The following GRB2 variants were observed in gnomAD, a reference collection of about 807,000 sequenced individuals.
GRB2 encodes growth factor receptor-bound protein 2.
Under a neutral mutation model 27.4 loss-of-function variants are expected in GRB2, and 2 were observed. The observed-to-expected ratio is 0.07, with a 90% CI of 0.03 to 0.23. The LOEUF is 0.23. Among genes scored for constraint, GRB2 ranks in the 10% least tolerant of loss-of-function variants. The probability of loss-of-function intolerance (pLI) is 1.00; values close to 1 mark genes in which losing one functional copy is unlikely to be tolerated. For missense variants in GRB2, 102 were observed against 282.4 expected, an observed-to-expected ratio of 0.36 and a Z score of 4.58; for synonymous variants, 94 against 99.6, an observed-to-expected ratio of 0.94 and a Z score of 0.33.
intron 2 of GRB2, among the ~76,000 whole-genome samples, chr17:75,363,919 T>C (rs2078803152): frequency 6.6e-6 from 1 of 150,996 alleles, no homozygotes; most frequent in Non-Finnish European, 1.5e-5. Context: ...CCTCAAGGTT[T>C]GCTTTTTGAT....
intron 2 of GRB2, among the ~76,000 whole-genome samples, chr17:75,338,200 G>T (rs2078594551): frequency 6.6e-6 from 1 of 152,024 alleles, no homozygotes; most frequent in Non-Finnish European, 1.5e-5. Flanking sequence ...GAGTAGCTAG[G>T]ATTACAGGCG....
At chr17:75,324,446 G>A (rs1376658871) in intron 4 of GRB2, among the ~76,000 whole-genome samples, 1 of 143,914 alleles carries the variant, frequency 6.9e-6, no homozygotes, top group Non-Finnish European at 1.5e-5. Context: ...CTGACCTCAG[G>A]TGATCTGCCT....
chr17:75,384,931 C>T (rs1252680473), intron 2 of GRB2, among the ~76,000 whole-genome samples: 1 of 145,822 alleles, frequency 6.9e-6, no homozygotes, highest in Non-Finnish European at 1.5e-5. Flanking sequence ...GGCGCGGTAG[C>T]TCATGTCGGT....
intron 4 of GRB2, among the ~76,000 whole-genome samples, chr17:75,324,366 ATTTT>A (rs1156329058): frequency 4.0e-4 from 37 of 93,606 alleles, no homozygotes; most frequent in African/African-American, 1.3e-3. Context: ...CCATTTTTGT[ATTTT>A]TTTTTTTTTT....
chr17:75,344,477 C>A (rs2078642010), intron 2 of GRB2: 1 of 151,022 alleles, frequency 6.6e-6, no homozygotes, highest in African/African-American at 2.5e-5. Context: ...ACTGCAACCT[C>A]CACCTCCCGG....
chr17:75,393,505 G>T, intron 2 of GRB2, 46 bp downstream of exon 2: 2 of 1,451,236 alleles, frequency 1.4e-6, no homozygotes, highest in Non-Finnish European at 1.9e-6. Context: ...AGGTGGGTGA[G>T]CACAGGGAGA....
intron 2 of GRB2, among the ~76,000 whole-genome samples, chr17:75,373,939 G>A (rs933838908): frequency 6.7e-6 from 1 of 149,976 alleles, no homozygotes; most frequent in Non-Finnish European, 1.5e-5. Context: ...GACTACAGGC[G>A]CCCGCCACCA....
chr17:75,384,396 T>C (rs941338164), intron 2 of GRB2, among the ~76,000 whole-genome samples: 3 of 152,156 alleles, frequency 2.0e-5, no homozygotes, highest in Non-Finnish European at 4.4e-5. Context: ...TAGCTGGGCA[T>C]GGTGGCTCAC....
chr17:75,341,079 C>G (rs1009944177), intron 2 of GRB2, among the ~76,000 whole-genome samples: 15 of 152,200 alleles, frequency 9.9e-5, no homozygotes, highest in African/African-American at 3.6e-4. Flanking sequence ...CCAGGTGATA[C>G]GTACTTGGCT....
chr17:75,335,370 C>A (rs2117561), intron 2 of GRB2, among the ~76,000 whole-genome samples: 134,441 of 152,170 alleles, frequency 0.88, 60,300 homozygotes, highest in Non-Finnish European at 0.96. Context: ...AAACTGGTAA[C>A]ATTCTTTACA....
chr17:75,396,998 T>A (rs1360876862), intron 1 of GRB2, among the ~76,000 whole-genome samples: 2 of 152,184 alleles, frequency 1.3e-5, no homozygotes, highest in African/African-American at 4.8e-5. Flanking sequence ...AAGACAGTTC[T>A]CAATACCTGC....
At chr17:75,336,499 A>G (rs184093313) in intron 2 of GRB2, among the ~76,000 whole-genome samples, 167 of 152,126 alleles carry the variant, frequency 1.1e-3, no homozygotes, top group African/African-American at 3.9e-3. Context: ...AGATAACTCT[A>G]TTTACCTGCC....
chr17:75,382,066 T>C (rs2078932467), intron 2 of GRB2, among the ~76,000 whole-genome samples: 1 of 151,752 alleles, frequency 6.6e-6, no homozygotes, highest in Non-Finnish European at 1.5e-5. Context: ...CTACTAAAAA[T>C]ATAAAAATAA....
intron 2 of GRB2, among the ~76,000 whole-genome samples, chr17:75,385,077 A>C (rs1211593758): frequency 3.5e-5 from 1 of 28,504 alleles, no homozygotes; most frequent in African/African-American, 4.2e-5. Context: ...ACAAACAAAC[A>C]AAAAAACCCT....
chr17:75,399,356 G>A (rs1047968061), intron 1 of GRB2, among the ~76,000 whole-genome samples: 2 of 140,578 alleles, frequency 1.4e-5, no homozygotes, highest in African/African-American at 2.6e-5. Flanking sequence ...ACCTGGCCTT[G>A]ACAATCTTTT....
chr17:75,327,634 G>A (rs1164024363), intron 3 of GRB2, among the ~76,000 whole-genome samples: 1 of 152,106 alleles, frequency 6.6e-6, no homozygotes, highest in African/African-American at 2.4e-5. Flanking sequence ...CTCCCAAAGT[G>A]CTGGGATTAA....
intron 2 of GRB2, among the ~76,000 whole-genome samples, chr17:75,333,466 G>C (rs2078554795): frequency 2.0e-5 from 3 of 152,166 alleles, no homozygotes; most frequent in Non-Finnish European, 4.4e-5. Context: ...AAGGGAGCCT[G>C]ACGAAGACAA....
intron 2 of GRB2, among the ~76,000 whole-genome samples, chr17:75,339,677 A>G (rs112511135): frequency 9.1e-5 from 13 of 143,244 alleles, no homozygotes; most frequent in African/African-American, 2.9e-4. Context: ...CCCAGGCTGG[A>G]GTGCAATGGC....
chr17:75,389,521 A>G (rs1484347237), intron 2 of GRB2, among the ~76,000 whole-genome samples: 3 of 152,170 alleles, frequency 2.0e-5, no homozygotes, highest in African/African-American at 7.2e-5. Context: ...CCATTTCCTC[A>G]TCTGTAAAAG....
Sources: allele counts gnomAD v4.1 joint callset (sites outside exome capture counted in the v4.1 genomes callset), GRCh38; gene constraint gnomAD v4.1.1; transcripts MANE v1.5; gene names NCBI Gene and HGNC (gene_info 2026-07-23, HGNC 2026-07-21).